The following AKAP6 variants were observed in gnomAD, a reference collection of about 807,000 sequenced individuals.
AKAP6 encodes A-kinase anchor protein 6.
In AKAP6, 58 loss-of-function variants were observed where a neutral mutation model predicts 188.5. The ratio of observed to expected loss-of-function variants is 0.31; its 90% confidence interval spans 0.25 to 0.38. The LOEUF (loss-of-function observed/expected upper bound fraction) is 0.38, where lower values mean the gene tolerates loss of function less well. AKAP6 is among the 10% of genes least tolerant of loss of function. The pLI is 1.00. For missense variants in AKAP6, 2,710 were observed against 2,740.0 expected, an observed-to-expected ratio of 0.99 and a Z score of 0.24; for synonymous variants, 989 against 998.6, an observed-to-expected ratio of 0.99 and a Z score of 0.18.
intron 1 of AKAP6, among the ~76,000 whole-genome samples, chr14:32,416,245 C>G (rs1001540829): frequency 1.3e-5 from 2 of 152,116 alleles, no homozygotes; most frequent in Non-Finnish European, 2.9e-5. Context: ...GTACCCATAC[C>G]AGTCAGTATG....
chr14:32,654,524 T>G (rs1325549045), intron 7 of AKAP6, among the ~76,000 whole-genome samples: 1 of 152,042 alleles, frequency 6.6e-6, no homozygotes, highest in Non-Finnish European at 1.5e-5. Context: ...AGACTGATAG[T>G]CTTTTTAAAA....
chr14:32,557,336 C>G (rs916344446), intron 4 of AKAP6, among the ~76,000 whole-genome samples: 11 of 152,174 alleles, frequency 7.2e-5, no homozygotes, highest in Admixed American at 1.3e-4. Flanking sequence ...TGGCTCAAGC[C>G]ATCCTCCATC....
Position 32,837,285 on chromosome 14 carries a change from A to C in AKAP6, c.*7480A>C, listed in dbSNP as rs1391856573. On this transcript the variant is annotated 3_prime_UTR_variant, in exon 14 of 14. Transcript: ENST00000280979. Reference sequence around the variant, plus strand: ...GAAACAATCCTGAAATTATTAAAACATTTCTTTGTCCTTACTTAAACCTAA... The same window carrying C: ...GAAACAATCCTGAAATTATTAAAACCTTTCTTTGTCCTTACTTAAACCTAA... 6.6e-6 allele frequency: 1 copy of C among 152,258 alleles called. No homozygotes were observed. The highest frequency in any genetic ancestry group is 1.5e-5 in the Non-Finnish European group (1 of 68,040). The allele number at this position is 152,258 out of a possible 1,614,324, so 9.4% of individuals were successfully genotyped here.
chr14:32,786,296 ATCTTTTT>A lies in AKAP6; in HGVS notation c.3588+12405_3588+12411del, dbSNP rs1400233460. Among the ~76,000 whole-genome samples, 137 of 93,716 alleles carry A rather than the reference ATCTTTTT, an allele frequency of 1.5e-3. 13 individuals are homozygous for A. In the East Asian group the frequency reaches 0.025, roughly 17 times the overall value. The allele number at this position is 93,716 out of a possible 152,430, so 61.5% of individuals were successfully genotyped here. On this transcript the variant is annotated intron_variant, in intron 12 of 13. Transcript: ENST00000280979. ...AGCCCTCTGAAAGACCTAAACCTTT[ATCTTTTT>A]TTTTTTTTTTTTTTTTTTTTTTGAG...
At chr14:32,621,746 T>C (rs894188218) in intron 7 of AKAP6, among the ~76,000 whole-genome samples, 1 of 152,078 alleles carries the variant, frequency 6.6e-6, no homozygotes, top group Non-Finnish European at 1.5e-5. Flanking sequence ...CCTTAATGAT[T>C]TGTCTAGTGC....
intron 7 of AKAP6, among the ~76,000 whole-genome samples, chr14:32,619,354 T>C (rs1279304911): frequency 6.6e-6 from 1 of 152,198 alleles, no homozygotes; most frequent in Non-Finnish European, 1.5e-5. Flanking sequence ...AGTTGAGTTT[T>C]GTATATAGTG....
At chr14:32,812,228 T>C (rs1296104044) in intron 12 of AKAP6, among the ~76,000 whole-genome samples, 3 of 152,232 alleles carry the variant, frequency 2.0e-5, no homozygotes, top group Non-Finnish European at 4.4e-5. Flanking sequence ...TACCATGTGG[T>C]AGAATGAAGA....
At chr14:32,532,987 T>A (rs1882489897) in intron 2 of AKAP6, among the ~76,000 whole-genome samples, 1 of 152,212 alleles carries the variant, frequency 6.6e-6, no homozygotes, top group Admixed American at 6.5e-5. Flanking sequence ...TAGAGGTTGG[T>A]GGCATAGGGG....
chr14:32,778,389 A>C (rs1212762598), intron 12 of AKAP6, among the ~76,000 whole-genome samples: 1 of 152,196 alleles, frequency 6.6e-6, no homozygotes, highest in East Asian at 1.9e-4. Context: ...TGTAGAAGTC[A>C]AACGTATGAC....
Position 32,834,577 on chromosome 14 carries a change from G to A in AKAP6, c.*4772G>A, listed in dbSNP as rs1174348675. On this transcript the variant is annotated 3_prime_UTR_variant, in exon 14 of 14. Transcript: ENST00000280979. The stretch of plus-strand genomic sequence containing the variant: ...TTTAAATCTTGCATAGTTTCCCTGT[G>A]CTTTTACTCTATTTTTCTTTGGGCT... 1 of 94,220 alleles carries A rather than the reference G, an allele frequency of 1.1e-5. No individual in the cohort carries two copies. The highest frequency in any genetic ancestry group is 3.4e-4 in the South Asian group (1 of 2,904). The allele number at this position is 94,220 out of a possible 1,614,324, so 5.8% of individuals were successfully genotyped here. A position where few individuals can be genotyped will look rare whatever the true frequency, so the allele number is the denominator to read the frequency against.
intron 1 of AKAP6, among the ~76,000 whole-genome samples, chr14:32,382,381 G>A (rs954835060): frequency 1.3e-5 from 2 of 152,126 alleles, no homozygotes; most frequent in East Asian, 1.9e-4. Flanking sequence ...CTGTGTGAGC[G>A]CTGGGCGGGT....
chr14:32,339,146 T>C (rs774772322), intron 1 of AKAP6, among the ~76,000 whole-genome samples: 21 of 152,194 alleles, frequency 1.4e-4, no homozygotes, highest in Non-Finnish European at 1.0e-4. Flanking sequence ...GATTTTTGTC[T>C]ATTTTGTTCA....
At chr14:32,505,953 C>A (rs948165717) in intron 2 of AKAP6, among the ~76,000 whole-genome samples, 2 of 151,866 alleles carry the variant, frequency 1.3e-5, no homozygotes, top group African/African-American at 4.8e-5. Flanking sequence ...GGTAAGTAAG[C>A]AGGGTTAAGC....
intron 12 of AKAP6, among the ~76,000 whole-genome samples, chr14:32,813,391 C>CCT (rs1488310113): frequency 3.9e-5 from 4 of 102,986 alleles, no homozygotes; most frequent in East Asian, 7.4e-4. Flanking sequence ...CTAACCCTAC[C>CCT]CCCCCCCCCA....
At chr14:32,503,773 C>T (rs1880722986) in intron 2 of AKAP6, among the ~76,000 whole-genome samples, 1 of 151,910 alleles carries the variant, frequency 6.6e-6, no homozygotes, top group Non-Finnish European at 1.5e-5. Flanking sequence ...GTTTTAATTA[C>T]TGAGACTTTA....
intron 9 of AKAP6, among the ~76,000 whole-genome samples, chr14:32,722,818 T>C (rs1229255715): frequency 6.6e-6 from 1 of 152,132 alleles, no homozygotes; most frequent in Non-Finnish European, 1.5e-5. Context: ...GTGACCTAAT[T>C]CTTCCTGGAT....
intron 1 of AKAP6, among the ~76,000 whole-genome samples, chr14:32,368,722 C>T (rs1393271015): frequency 2.0e-5 from 3 of 151,978 alleles, no homozygotes; most frequent in Non-Finnish European, 4.4e-5. Context: ...ACCGTGGACC[C>T]CTTACAAGCT....
chr14:32,448,065 G>A (rs1192943540), intron 2 of AKAP6, among the ~76,000 whole-genome samples: 1 of 152,204 alleles, frequency 6.6e-6, no homozygotes, highest in East Asian at 1.9e-4. Context: ...GTAAAGTTGA[G>A]TGATTTTCAT....
At chr14:32,379,054 G>A (rs1377515102) in intron 1 of AKAP6, among the ~76,000 whole-genome samples, 4 of 151,768 alleles carry the variant, frequency 2.6e-5, no homozygotes, top group Non-Finnish European at 5.9e-5. Flanking sequence ...GAGTTGCTGG[G>A]ATTACGGGCA....
Sources: allele counts gnomAD v4.1 joint callset (sites outside exome capture counted in the v4.1 genomes callset), GRCh38; gene constraint gnomAD v4.1.1; transcripts MANE v1.5; gene names NCBI Gene and HGNC (gene_info 2026-07-23, HGNC 2026-07-21).